EFNA5: variants seen among roughly 807,000 people sequenced by gnomAD.
The protein encoded by EFNA5 is ephrin A5, also known as ephrin-A5.
EFNA5 carries 5 observed loss-of-function variants against 22.9 expected under a neutral mutation model. The ratio of observed to expected loss-of-function variants is 0.22; its 90% confidence interval spans 0.11 to 0.46. The LOEUF (loss-of-function observed/expected upper bound fraction) is 0.46, where lower values mean the gene tolerates loss of function less well. Ranked by LOEUF, EFNA5 falls within the 20% of genes least tolerant of loss-of-function variation. The pLI, the probability that EFNA5 is intolerant of heterozygous loss-of-function variation, is 0.99. For missense variants in EFNA5, 237 were observed against 293.3 expected (o/e 0.81, Z 1.40); for synonymous variants, 113 against 112.2 (o/e 1.01, Z -0.04).
At chr5:107,455,983 G>A (rs1343569312) in intron 1 of EFNA5, among the ~76,000 whole-genome samples, 2 of 152,128 alleles carry the variant, frequency 1.3e-5, no homozygotes, top group Non-Finnish European at 2.9e-5. Context: ...ACCTAGAAAT[G>A]CTTCATACTC....
At chr5:107,626,615 G>A (rs1750146645) in intron 1 of EFNA5, among the ~76,000 whole-genome samples, 1 of 152,162 alleles carries the variant, frequency 6.6e-6, no homozygotes, top group Non-Finnish European at 1.5e-5. Flanking sequence ...AATGAAACAT[G>A]TATGCTGTGG....
At chr5:107,449,289 G>A (rs1027933490) in intron 1 of EFNA5, among the ~76,000 whole-genome samples, 1 of 151,800 alleles carries the variant, frequency 6.6e-6, no homozygotes, top group Non-Finnish European at 1.5e-5. Flanking sequence ...AGTGTCCAAC[G>A]CCTAGAGGCA....
At chr5:107,606,481 C>T (rs1052771818) in intron 1 of EFNA5, among the ~76,000 whole-genome samples, 2 of 151,000 alleles carry the variant, frequency 1.3e-5, no homozygotes, top group Admixed American at 1.3e-4. Context: ...TTTTTAATTG[C>T]TTTGATGCTG....
intron 2 of EFNA5, among the ~76,000 whole-genome samples, chr5:107,422,083 G>T (rs1402087415): frequency 6.6e-6 from 1 of 152,140 alleles, no homozygotes; most frequent in Non-Finnish European, 1.5e-5. Flanking sequence ...GAGCCACTGC[G>T]CCCGGCCCTC....
At chr5:107,436,992 A>G (rs1239171621) in intron 1 of EFNA5, among the ~76,000 whole-genome samples, 2 of 152,182 alleles carry the variant, frequency 1.3e-5, no homozygotes, top group Admixed American at 6.6e-5. Flanking sequence ...TTTGGAAAAG[A>G]GTGATTTAAT....
intron 1 of EFNA5, among the ~76,000 whole-genome samples, chr5:107,581,155 C>G (rs1490087982): frequency 6.6e-6 from 1 of 152,188 alleles, no homozygotes; most frequent in Non-Finnish European, 1.5e-5. Context: ...TTCCCTCCTC[C>G]CCAGCATGCT....
intron 2 of EFNA5, among the ~76,000 whole-genome samples, chr5:107,417,767 G>A (rs762541903): frequency 7.2e-5 from 11 of 152,098 alleles, no homozygotes; most frequent in Non-Finnish European, 1.2e-4. Flanking sequence ...CATATCTCTG[G>A]CTGTGAAAAG....
At chr5:107,585,001 T>G (rs1169127508) in intron 1 of EFNA5, among the ~76,000 whole-genome samples, 1 of 152,118 alleles carries the variant, frequency 6.6e-6, no homozygotes, top group East Asian at 1.9e-4. Context: ...TGGAAAATAT[T>G]CCCTGGTCAG....
chr5:107,517,700 C>T (rs1005408104), intron 1 of EFNA5, among the ~76,000 whole-genome samples: 2 of 152,188 alleles, frequency 1.3e-5, no homozygotes, highest in Non-Finnish European at 2.9e-5. Context: ...ACAAGTGGTA[C>T]GGTTATATTA....
intron 1 of EFNA5, among the ~76,000 whole-genome samples, chr5:107,640,521 T>G (rs1242722354): frequency 1.3e-5 from 2 of 152,238 alleles, no homozygotes; most frequent in South Asian, 4.1e-4. Flanking sequence ...GTCTTCTGTC[T>G]TCCTGATTTG....
intron 2 of EFNA5, among the ~76,000 whole-genome samples, chr5:107,390,983 AC>A (rs1747780638): frequency 6.6e-6 from 1 of 151,904 alleles, no homozygotes; most frequent in African/African-American, 2.4e-5. Flanking sequence ...ACTTGGCAAA[AC>A]CCTGTCTCTA....
At chr5:107,565,729 C>T (rs772038816) in intron 1 of EFNA5, among the ~76,000 whole-genome samples, 2 of 151,996 alleles carry the variant, frequency 1.3e-5, no homozygotes, top group Admixed American at 6.6e-5. Context: ...TTCATATTTA[C>T]GTGTTAAGGG....
At chr5:107,666,913 A>G (rs1751089316) in intron 1 of EFNA5, among the ~76,000 whole-genome samples, 1 of 152,152 alleles carries the variant, frequency 6.6e-6, no homozygotes, top group Admixed American at 6.5e-5. Context: ...AAGCATAGCT[A>G]CTAAAGGAGA....
At chr5:107,538,307 A>C (rs1747967789) in intron 1 of EFNA5, among the ~76,000 whole-genome samples, 1 of 152,236 alleles carries the variant, frequency 6.6e-6, no homozygotes, top group South Asian at 2.1e-4. Context: ...ATAACAATTT[A>C]ATTACTGAGG....
chr5:107,647,725 C>T (rs1750655270), intron 1 of EFNA5, among the ~76,000 whole-genome samples: 2 of 152,132 alleles, frequency 1.3e-5, no homozygotes, highest in South Asian at 4.1e-4. Flanking sequence ...AATCAATCTA[C>T]TTGGATGAGA....
chr5:107,440,027 T>C (rs762587854), intron 1 of EFNA5, among the ~76,000 whole-genome samples: 6 of 152,292 alleles, frequency 3.9e-5, no homozygotes, highest in Admixed American at 6.5e-5. Context: ...GTTCATCACA[T>C]AAAAATGGTT....
chr5:107,515,399 A>T, intron 1 of EFNA5, among the ~76,000 whole-genome samples: 1 of 129,502 alleles, frequency 7.7e-6, no homozygotes, highest in Non-Finnish European at 1.6e-5. Context: ...ATTATTATTG[A>T]GATGGAGTCT....
At chr5:107,598,499 C>T (rs1212734106) in intron 1 of EFNA5, among the ~76,000 whole-genome samples, 4 of 152,010 alleles carry the variant, frequency 2.6e-5, no homozygotes, top group African/African-American at 9.7e-5. Flanking sequence ...TGTGCAAAAC[C>T]AGATGTGATG....
At position 107,381,246 on chromosome 5, in the gene EFNA5, G is replaced by A. The variant is rs1747448022; in HGVS notation, c.*9C>T. The A allele has an allele frequency of 1.9e-6, 3 of 1,611,734 alleles. No individual in the cohort carries two copies. The highest frequency in any genetic ancestry group is 2.5e-6 in the Non-Finnish European group (3 of 1,178,094). The stretch of plus-strand genomic sequence containing the variant: ...TGTTTTCTGTGACAAGTGATGGGAG[G>A]AGACTGTGCTATAATGTCAAAAGCA... On this transcript the variant is annotated 3_prime_UTR_variant, in exon 5 of 5. Transcript: ENST00000333274.
Sources: allele counts gnomAD v4.1 joint callset (sites outside exome capture counted in the v4.1 genomes callset), GRCh38; gene constraint gnomAD v4.1.1; transcripts MANE v1.5; gene names NCBI Gene and HGNC (gene_info 2026-07-23, HGNC 2026-07-21).